Variants in PIEZO2 observed in about 807,000 individuals in gnomAD.
PIEZO2 encodes the protein piezo-type mechanosensitive ion channel component 2.
Under a neutral mutation model 337.3 loss-of-function variants are expected in PIEZO2, and 172 were observed. The ratio of observed to expected loss-of-function variants is 0.51; its 90% CI spans 0.45 to 0.58. PIEZO2 has a LOEUF of 0.58. Among genes scored for constraint, PIEZO2 ranks in the 20% least tolerant of loss-of-function variants. The probability of loss-of-function intolerance (pLI) is 0.00; values close to 1 mark genes in which losing one functional copy is unlikely to be tolerated. For missense variants in PIEZO2, 3,028 were observed against 3,391.3 expected, an observed-to-expected ratio of 0.89 and a Z score of 2.66; for synonymous variants, 1,251 against 1,228.5, an observed-to-expected ratio of 1.02 and a Z score of -0.38.
At chr18:10,702,710 G>A (rs1384150247) in intron 42 of PIEZO2, among the ~76,000 whole-genome samples, 1 of 152,192 alleles carries the variant, frequency 6.6e-6, no homozygotes, top group Non-Finnish European at 1.5e-5. Flanking sequence ...ATTCATCTTT[G>A]TATTCTGGTG....
intron 2 of PIEZO2, among the ~76,000 whole-genome samples, chr18:11,000,861 C>T (rs983385161): frequency 6.6e-6 from 1 of 152,094 alleles, no homozygotes; most frequent in African/African-American, 2.4e-5. Context: ...GGCAGCAGAG[C>T]CCTCAGCCAG....
intron 4 of PIEZO2, chr18:10,908,714 T>A (rs573528703): frequency 1.3e-5 from 2 of 152,298 alleles, no homozygotes; most frequent in South Asian, 4.1e-4. Flanking sequence ...AAAACCAGAA[T>A]GATCACCAAA....
At chr18:11,075,568 C>T (rs1047992573) in intron 1 of PIEZO2, among the ~76,000 whole-genome samples, 1 of 152,194 alleles carries the variant, frequency 6.6e-6, no homozygotes, top group East Asian at 1.9e-4. Context: ...GTCTCACCTC[C>T]GTGCCCACTG....
rs746928837 is a variant in PIEZO2, at chr18:10,714,725, CTTTGTCAAAAGTAA to C, written c.5423+25_5423+38del. ...ATTTGATGACATCCACCTCATTTACCTTTGTCAAAAGTAAACCCATTGTTAGAAAGTGAAATACC... is the reference window on the plus strand; with the variant it reads ...ATTTGATGACATCCACCTCATTTACCACCCATTGTTAGAAAGTGAAATACC... On this transcript the variant is annotated intron_variant, in intron 39 of 55. Transcript: ENST00000674853. 3 of 1,527,770 alleles carry C rather than the reference CTTTGTCAAAAGTAA, an allele frequency of 2.0e-6. No individual in the cohort carries two copies. In the South Asian group the frequency reaches 3.6e-5, roughly 18 times the overall value. The allele number at this position is 1,527,770 out of a possible 1,614,324, so 94.6% of individuals were successfully genotyped here.
chr18:10,823,332 AC>A (rs2040574975), intron 7 of PIEZO2, among the ~76,000 whole-genome samples: 1 of 152,214 alleles, frequency 6.6e-6, no homozygotes, highest in Non-Finnish European at 1.5e-5. Context: ...ATTACTTCTA[AC>A]AAAAACAACC....
chr18:10,782,930 G>T (rs929698950), intron 17 of PIEZO2, among the ~76,000 whole-genome samples: 1 of 152,124 alleles, frequency 6.6e-6, no homozygotes, highest in Non-Finnish European at 1.5e-5. Flanking sequence ...CTAGGCTGGT[G>T]AACCAAATTG....
Position 11,099,201 on chromosome 18 carries a change from A to G in PIEZO2, c.65-32979T>C, listed in dbSNP as rs2039343344. Among the ~76,000 whole-genome samples the G allele has an allele frequency of 6.6e-6, 1 of 152,250 alleles. No homozygotes were observed. The highest frequency in any genetic ancestry group is 6.5e-5 in the Admixed American group (1 of 15,290). On this transcript the variant is annotated intron_variant, in intron 1 of 55. Transcript: ENST00000674853. This position sits in a 1 kb window ranked among gnomAD's most constrained non-coding sequence, Gnocchi z 5.4. Reference sequence around the variant, plus strand: ...CACTATTTTTTACAGTCCTGCATTCAGAAGTCTTATAGACATATCTCTGCA... The same window carrying G: ...CACTATTTTTTACAGTCCTGCATTCGGAAGTCTTATAGACATATCTCTGCA...
chr18:10,791,471 CTTCAGCTGAGA>C (rs1858261545), intron 13 of PIEZO2, 147 bp from the exon 14 acceptor site: 1 of 870,684 alleles, frequency 1.1e-6, no homozygotes, highest in South Asian at 2.3e-5. Context: ...ACCTGCTTGA[CTTCAGCTGAGA>C]TTCACTGCTT....
intron 1 of PIEZO2, among the ~76,000 whole-genome samples, chr18:11,123,666 C>A (rs372182566): frequency 6.6e-6 from 1 of 152,118 alleles, no homozygotes; most frequent in Non-Finnish European, 1.5e-5. Flanking sequence ...AACAATTAGC[C>A]GGGCGTGGTG....
rs143548466 is a variant in PIEZO2, at chr18:10,857,074, C to T, written c.630G>A (p.Lys210=). Residue 210 remains lysine, a synonymous_variant, in exon 6 of 56, where the codon AAG becomes AAA. Transcript: ENST00000674853. ...TCATGTTGCCAATGAACTCCTTGAG[C>T]TTAGAGGCCACAGAGGCAAGCCTGC... ...MFRRLASVAS[K]LKEFIGNMIT... The T allele has an allele frequency of 1.1e-4, 169 of 1,537,428 alleles. No individual in the cohort carries two copies. In the African/African-American group the frequency reaches 1.8e-3, roughly 16 times the overall value.
In PIEZO2 at chr18:11,110,667, T is replaced by C. The variant is rs946954804; in HGVS notation, c.64+37858A>G. On this transcript the variant is annotated intron_variant, in intron 1 of 55. Coordinates refer to ENST00000674853, the MANE Select transcript of PIEZO2 (RefSeq NM_001378183.1). The surrounding 1 kb of genome is among the most constrained non-coding windows in gnomAD (Gnocchi z 4.2). Reference sequence around the variant, plus strand: ...AGGCTAGCAAGTCAGTGGCCTCTGATGCGATGCCTCGTCATCCTTTCCGCC... The same window carrying C: ...AGGCTAGCAAGTCAGTGGCCTCTGACGCGATGCCTCGTCATCCTTTCCGCC... 6.6e-6 allele frequency among the ~76,000 whole-genome samples: 1 copy of C among 152,210 alleles called. No homozygotes were observed. The highest frequency in any genetic ancestry group is 2.4e-5 in the African/African-American group (1 of 41,452).
intron 7 of PIEZO2, among the ~76,000 whole-genome samples, chr18:10,814,902 C>T (rs1028003807): frequency 6.6e-6 from 1 of 152,084 alleles, no homozygotes; most frequent in Non-Finnish European, 1.5e-5. Context: ...GTAAGCGAGT[C>T]CTGGTTCAGA....
At chr18:10,963,503 A>C (rs1048750815) in intron 3 of PIEZO2, among the ~76,000 whole-genome samples, 1 of 152,236 alleles carries the variant, frequency 6.6e-6, no homozygotes, top group Admixed American at 6.5e-5. Context: ...ATGGTTTTCC[A>C]CATTAACCGG....
Position 11,057,649 on chromosome 18 carries a change from C to A in PIEZO2, c.160+8478G>T, listed in dbSNP as rs78616157. Among the ~76,000 whole-genome samples, 1,054 of 152,260 alleles carry A rather than the reference C, an allele frequency of 6.9e-3. 10 individuals are homozygous for A. Among genetic ancestry groups the A allele is most frequent in the African/African-American group, 0.024 (1,011 of 41,540 alleles). On this transcript the variant is annotated intron_variant, in intron 2 of 55. Coordinates refer to ENST00000674853, the MANE Select transcript of PIEZO2 (RefSeq NM_001378183.1). The stretch of plus-strand genomic sequence containing the variant: ...GATAGCTCCCTGGTACCATTAATAT[C>A]TAAGAAGAAACCAAGTGACCAGTCA...
In PIEZO2 at chr18:10,784,972, A is replaced by AAAACC. The variant is rs1043417650; in HGVS notation, c.2319-16_2319-15insGGTTT. On this transcript the variant is annotated splice_polypyrimidine_tract_variant and intron_variant, in intron 16 of 55. Transcript: ENST00000674853. This position sits in a 1 kb window ranked among gnomAD's most constrained non-coding sequence, Gnocchi z 4.5. Reference sequence around the variant, plus strand: ...GATCCTCAAGCCTGCAAAACAAAACAAAATAAAAAGCAGGAACCTCTCTTA... The same window carrying AAAACC: ...GATCCTCAAGCCTGCAAAACAAAACAAAACCAAATAAAAAGCAGGAACCTCTCTTA... 1 of 1,525,812 alleles carries AAAACC rather than the reference A, an allele frequency of 6.6e-7. No individual in the cohort carries two copies. Among genetic ancestry groups the AAAACC allele is most frequent in the Non-Finnish European group, 8.8e-7 (1 of 1,142,370 alleles). The allele number at this position is 1,525,812 out of a possible 1,614,324, so 94.5% of individuals were successfully genotyped here. A position where few individuals can be genotyped will look rare whatever the true frequency, so the allele number is the denominator to read the frequency against.
At chr18:10,708,775 G>T (rs1441352069) in intron 39 of PIEZO2, among the ~76,000 whole-genome samples, 1 of 152,210 alleles carries the variant, frequency 6.6e-6, no homozygotes, top group Non-Finnish European at 1.5e-5. Flanking sequence ...GTAACAGAGG[G>T]TTTCTTTTAA....
intron 2 of PIEZO2, among the ~76,000 whole-genome samples, chr18:11,024,852 G>A (rs1273450055): frequency 6.6e-6 from 1 of 151,816 alleles, no homozygotes; most frequent in East Asian, 1.9e-4. Flanking sequence ...TTGACCAGGG[G>A]GGTCTCGAAC....
rs191159132 is a variant in PIEZO2 at position 10,980,277 on chromosome 18, G to A, written c.161-617C>T. ...AATAAGTATAATTCACACACTAGTG[G>A]GTTGCTATCATGGTTTTCTCAATTG... On this transcript the variant is annotated intron_variant, in intron 2 of 55. Transcript: ENST00000674853. This position sits in a 1 kb window ranked among gnomAD's most constrained non-coding sequence, Gnocchi z 4.8. Among the ~76,000 whole-genome samples the A allele has an allele frequency of 6.6e-4, 100 of 151,914 alleles. 1 individual carries two copies. The highest frequency in any genetic ancestry group is 2.3e-3 in the African/African-American group (95 of 41,360).
At chr18:10,898,237 T>C (rs1183785549) in intron 4 of PIEZO2, among the ~76,000 whole-genome samples, 1 of 152,090 alleles carries the variant, frequency 6.6e-6, no homozygotes, top group Admixed American at 6.5e-5. Flanking sequence ...CTGGCTAACA[T>C]GATGAAACCC....
Sources: gnomAD v4.1 joint callset for allele counts (sites outside exome capture counted in the v4.1 genomes callset) on GRCh38, gnomAD v4.1.1 for gene constraint, Gnocchi (gnomAD v3.1) non-coding constraint, MANE v1.5 for transcripts, NCBI Gene and HGNC (gene_info 2026-07-23, HGNC 2026-07-21) for gene names.